Variants in ZNF266 observed in about 807,000 individuals in gnomAD.
ZNF266 encodes zinc finger protein 266.
Under a neutral mutation model 16.4 loss-of-function variants are expected in ZNF266, and 16 were observed. The ratio of observed to expected loss-of-function variants is 0.98; its 90% CI spans 0.66 to 1.48. The LOEUF (loss-of-function observed/expected upper bound fraction) is 1.48, where lower values mean the gene tolerates loss of function less well. Among genes scored for constraint, ZNF266 ranks in the 40% most tolerant of loss-of-function variants. The pLI is 0.00. For missense variants in ZNF266, 738 were observed against 689.1 expected, an observed-to-expected ratio of 1.07 and a Z score of -0.79; for synonymous variants, 262 against 237.9, an observed-to-expected ratio of 1.10 and a Z score of -0.93.
chr19:9,414,755 G>T (rs374154361), intron 10 of ZNF266, 35 bp from the exon 11 acceptor site: 1 of 1,506,656 alleles, frequency 6.6e-7, no homozygotes, highest in East Asian at 2.3e-5. Context: ...ATTAAAGGAC[G>T]GTTCAGATTG....
At chr19:9,417,973 A>C in intron 8 of ZNF266, 65 bp from the exon 9 acceptor site, 3 of 1,470,600 alleles carry the variant, frequency 2.0e-6, no homozygotes, top group East Asian at 2.3e-5. Flanking sequence ...TCTTTCCACA[A>C]CTCAGGAGAT....
intron 8 of ZNF266, 77 bp from the exon 9 acceptor site, chr19:9,417,985 T>C (rs551955823): frequency 7.3e-6 from 10 of 1,378,748 alleles, no homozygotes; most frequent in African/African-American, 7.1e-5. Flanking sequence ...TCAGGAGATA[T>C]AGTTCCAATG....
chr19:9,426,886 CAT>C (rs1324243748), intron 5 of ZNF266, among the ~76,000 whole-genome samples: 18 of 152,180 alleles, frequency 1.2e-4, no homozygotes, highest in African/African-American at 4.3e-4. Flanking sequence ...CTCCCATTGT[CAT>C]AGTACCCATG....
chr19:9,429,457 C>T (rs1363601868), intron 5 of ZNF266, among the ~76,000 whole-genome samples: 1 of 152,016 alleles, frequency 6.6e-6, no homozygotes, highest in Non-Finnish European at 1.5e-5. Flanking sequence ...TGTTGGTTTA[C>T]AACCTAGAGG....
At chr19:9,416,172 C>T (rs1384453958) in intron 9 of ZNF266, among the ~76,000 whole-genome samples, 1 of 151,998 alleles carries the variant, frequency 6.6e-6, no homozygotes, top group African/African-American at 2.4e-5. Flanking sequence ...AACACAAAGA[C>T]AGATTTGAAG....
At chr19:9,418,341 A>T (rs1173554621) in intron 8 of ZNF266, among the ~76,000 whole-genome samples, 164 bp downstream of exon 8, 1 of 152,222 alleles carries the variant, frequency 6.6e-6, no homozygotes, top group African/African-American at 2.4e-5. Context: ...TCTTCATCTG[A>T]CACCACATTT....
chr19:9,425,747 C>T (rs2070649419), intron 5 of ZNF266, among the ~76,000 whole-genome samples: 2 of 152,130 alleles, frequency 1.3e-5, no homozygotes, highest in Non-Finnish European at 1.5e-5. Flanking sequence ...CCAAGCGCTC[C>T]CTAGGACTCA....
At chr19:9,419,170 G>A (rs1442544409) in intron 7 of ZNF266, 47 bp downstream of exon 7, 1 of 154,780 alleles carries the variant, frequency 6.5e-6, no homozygotes, top group Non-Finnish European at 1.4e-5. Flanking sequence ...GTGTCTACCT[G>A]GTGATGCAAG....
At position 9,414,147 on chromosome 19, in the gene ZNF266, TTC is replaced by T; in HGVS notation, c.977_978del (p.Arg326LysfsTer10). On this transcript the variant is annotated frameshift_variant, in exon 11 of 11. Transcript: ENST00000592904. LOFTEE classifies it low-confidence loss of function (END_TRUNC). ...FTRSCQLTQH[R>X]KTHTGEKPYK... ...TAAGGTTTCTCTCCAGTGTGAGTTTTTCTGTGCTGAGTAAGTTGACAAGACCT... is the reference window on the plus strand; with the variant it reads ...TAAGGTTTCTCTCCAGTGTGAGTTTTTGTGCTGAGTAAGTTGACAAGACCT... The T allele has an allele frequency of 6.2e-7, 1 of 1,613,812 alleles. No individual in the cohort carries two copies. The highest frequency in any genetic ancestry group is 8.5e-7 in the Non-Finnish European group (1 of 1,179,880).
chr19:9,417,261 C>T (rs890170553), intron 9 of ZNF266, among the ~76,000 whole-genome samples: 3 of 151,898 alleles, frequency 2.0e-5, no homozygotes, highest in African/African-American at 4.8e-5. Context: ...CCCGGCTACT[C>T]GGGAGGACGA....
rs1002294203 is a variant in ZNF266 at position 9,433,803 on chromosome 19, T to C, written c.-248-17A>G. The stretch of plus-strand genomic sequence containing the variant: ...CCATCTCTACTAAAAAAAAAAAAAA[T>C]ACAAAAATACAAAAATTAGCCAGGC... On this transcript the variant is annotated splice_polypyrimidine_tract_variant and intron_variant, in intron 4 of 10. Coordinates refer to ENST00000592904, the MANE Select transcript of ZNF266 (RefSeq NM_001370374.1). 2.9e-5 allele frequency: 4 copies of C among 139,718 alleles called. No homozygotes were observed. The highest frequency in any genetic ancestry group is 1.1e-4 in the African/African-American group (4 of 36,962). The allele number at this position is 139,718 out of a possible 1,614,324, so 8.7% of individuals were successfully genotyped here.
intron 5 of ZNF266, among the ~76,000 whole-genome samples, chr19:9,431,102 C>T (rs1280837907): frequency 1.3e-5 from 2 of 152,054 alleles, no homozygotes; most frequent in African/African-American, 4.8e-5. Flanking sequence ...GAGACAGAAG[C>T]CTCAGGACCT....
At position 9,414,055 on chromosome 19, in the gene ZNF266, A is replaced by G. The variant is rs1599420631; in HGVS notation, c.1071T>C (p.His357=). ...SSCLSQHMKI[H]VGEKPYECKE... is the part of the protein sequence containing the mutation. ...TGCATTCATAAGGCTTCTCACCCACATGGATTTTCATATGTTGACTTAAGC... is the reference window on the plus strand; with the variant it reads ...TGCATTCATAAGGCTTCTCACCCACGTGGATTTTCATATGTTGACTTAAGC... The change falls in exon 11 of 11, where the codon CAT becomes CAC. Residue 357 remains histidine (H), a synonymous_variant. Coordinates refer to ENST00000592904, the MANE Select transcript of ZNF266 (RefSeq NM_001370374.1). 1 of 1,613,696 alleles carries G rather than the reference A, an allele frequency of 6.2e-7. No homozygotes were observed. Among genetic ancestry groups the G allele is most frequent in the Non-Finnish European group, 8.5e-7 (1 of 1,179,928 alleles).
Position 9,418,650 on chromosome 19 carries a change from G to A in ZNF266, c.109-19C>T. The A allele has an allele frequency of 1.7e-6, 2 of 1,184,642 alleles. No individual in the cohort carries two copies. Among genetic ancestry groups the A allele is most frequent in the South Asian group, 1.2e-5 (1 of 81,086 alleles). The allele number at this position is 1,184,642 out of a possible 1,614,324, so 73.4% of individuals were successfully genotyped here. On this transcript the variant is annotated intron_variant, in intron 7 of 10. Transcript: ENST00000592904. ...CTGAATCCTAAACCATCACACACAT[G>A]CTGGCTTGAGCCACAAAACATGTCT...
Position 9,414,470 on chromosome 19 carries a change from C to G in ZNF266, c.656G>C (p.Gly219Ala). 6.2e-7 allele frequency: 1 copy of G among 1,614,200 alleles called. No homozygotes were observed. Among genetic ancestry groups the G allele is most frequent in the African/African-American group, 1.3e-5 (1 of 75,050 alleles). The change falls in exon 11 of 11, where the codon GGA becomes GCA. Residue 219 changes from glycine (G) to alanine (A), a missense_variant. By Grantham distance (60) the Gly-to-Ala change is moderately conservative (BLOSUM62 0). Coordinates refer to ENST00000592904, the MANE Select transcript of ZNF266 (RefSeq NM_001370374.1). ...PDVVCQRTCT[G>A]EKAFDCSDSG... The stretch of plus-strand genomic sequence containing the variant: ...GTCACTGCAATCAAAAGCTTTCTCT[C>G]CTGTGCACGTTCTCTGGCAAACAAC...
At position 9,415,839 on chromosome 19, in the gene ZNF266, C is replaced by T. The variant is rs577800311; in HGVS notation, c.317-97G>A. The T allele has an allele frequency of 3.8e-6, 4 of 1,058,272 alleles. No homozygotes were observed. In the East Asian group the frequency reaches 1.2e-4, roughly 32 times the overall value. 65.6% of individuals were successfully genotyped at this position (1,058,272 alleles called of 1,614,324 possible). A position where few individuals can be genotyped will look rare whatever the true frequency, so the allele number is the denominator to read the frequency against. ...TCATTTGTACTTGTTTTCTTTTTTT[C>T]TTGAGACGGTGTCTCACTCTGTTGC... is the stretch of plus-strand genomic sequence containing the variant. On this transcript the variant is annotated intron_variant, in intron 9 of 10. Transcript: ENST00000592904.
intron 5 of ZNF266, among the ~76,000 whole-genome samples, chr19:9,430,885 C>T (rs1347513641): frequency 6.6e-6 from 1 of 152,204 alleles, no homozygotes; most frequent in East Asian, 1.9e-4. Flanking sequence ...TGTCTCATTC[C>T]CCACCCACTG....
In ZNF266 at chr19:9,422,053, C is replaced by G. The variant is rs183190323; in HGVS notation, c.-129-1835G>C. On this transcript the variant is annotated intron_variant, in intron 5 of 10. Coordinates refer to ENST00000592904, the MANE Select transcript of ZNF266 (RefSeq NM_001370374.1). ...TTTTTAGTAGACACGGGGTTTCACCCTGTCAGCCAGGATGGTCTCGATCTC... is the reference window on the plus strand; with the variant it reads ...TTTTTAGTAGACACGGGGTTTCACCGTGTCAGCCAGGATGGTCTCGATCTC... 1.8e-3 allele frequency among the ~76,000 whole-genome samples: 274 copies of G among 152,260 alleles called. 6 individuals are homozygous for G. The highest frequency in any genetic ancestry group is 0.017 in the Admixed American group (258 of 15,280).
At chr19:9,417,196 C>A (rs2069168111) in intron 9 of ZNF266, among the ~76,000 whole-genome samples, 1 of 151,240 alleles carries the variant, frequency 6.6e-6, no homozygotes, top group African/African-American at 2.4e-5. Flanking sequence ...TGTGGTGAAA[C>A]CCTCTCTCCA....
Sources: allele counts gnomAD v4.1 joint callset (sites outside exome capture counted in the v4.1 genomes callset), GRCh38; gene constraint gnomAD v4.1.1; transcripts MANE v1.5; gene names NCBI Gene and HGNC (gene_info 2026-07-23, HGNC 2026-07-21).